RBM27: variants seen among roughly 807,000 people sequenced by gnomAD.
The protein encoded by RBM27 is RNA binding motif protein 27.
Under a neutral mutation model 135.3 loss-of-function variants are expected in RBM27, and 22 were observed. The observed-to-expected ratio is 0.16, with a 90% CI of 0.12 to 0.23. The LOEUF (loss-of-function observed/expected upper bound fraction) is 0.23, where lower values mean the gene tolerates loss of function less well. RBM27 is among the 10% of genes least tolerant of loss of function. RBM27 has a pLI of 1.00. For synonymous variants in RBM27, 481 were observed against 442.4 expected (o/e 1.09, Z -1.10); for missense variants, 1,009 against 1,281.0 (o/e 0.79, Z 3.24).
rs1042536669 is a variant in RBM27 at position 146,217,155 on chromosome 5, C to G, written c.60-1830C>G. Among the ~76,000 whole-genome samples, 4 of 151,920 alleles carry G rather than the reference C, an allele frequency of 2.6e-5. No individual in the cohort carries two copies. In the South Asian group the frequency reaches 8.3e-4, roughly 32 times the overall value. ...CTAATTTTTGTATTTTTAGTAGAGA[C>G]GGGGTTTCGTCATGTTGTCCAGGCT... is the stretch of plus-strand genomic sequence containing the variant. On this transcript the variant is annotated intron_variant, in intron 1 of 20. Coordinates refer to ENST00000265271, the MANE Select transcript of RBM27 (RefSeq NM_018989.2).
chr5:146,217,362 A>G (rs1171374175), intron 1 of RBM27, among the ~76,000 whole-genome samples: 1 of 151,028 alleles, frequency 6.6e-6, no homozygotes. Context: ...CTTTAAGCAT[A>G]AAAACTAGAA....
chr5:146,264,613 A>G (rs887482210), intron 14 of RBM27, among the ~76,000 whole-genome samples: 7 of 150,630 alleles, frequency 4.6e-5, no homozygotes, highest in East Asian at 1.9e-4. Context: ...TAATATATCT[A>G]TACTATAACT....
In RBM27 at chr5:146,251,726, C is replaced by T. The variant is rs1277005288; in HGVS notation, c.1295C>T (p.Ser432Phe). The T allele has an allele frequency of 9.9e-6, 16 of 1,611,522 alleles. No individual in the cohort carries two copies. Among genetic ancestry groups the T allele is most frequent in the Non-Finnish European group, 1.3e-5 (15 of 1,177,694 alleles). The change falls in exon 9 of 21, where the codon TCT (serine) becomes TTT (phenylalanine). Residue 432 changes from serine to phenylalanine, a missense_variant. Coordinates refer to ENST00000265271, the MANE Select transcript of RBM27 (RefSeq NM_018989.2). ...YTVSERQPMYSREHGAAASER... is the reference protein window; with the variant it reads ...YTVSERQPMYFREHGAAASER... ...TCCTCTATAGGACAGCCCATGTACT[C>T]TCGTGAACATGGTGCTGCTGCATCT... is the stretch of plus-strand genomic sequence containing the variant.
At chr5:146,235,942 C>T (rs774845999) in intron 7 of RBM27, among the ~76,000 whole-genome samples, 53 of 152,122 alleles carry the variant, frequency 3.5e-4, no homozygotes, top group Admixed American at 7.2e-4. Context: ...TTGCTTGCCT[C>T]AGTTCCCAAA....
At position 146,269,453 on chromosome 5, in the gene RBM27, A is replaced by G. The variant is rs1483943899; in HGVS notation, c.2560A>G (p.Met854Val). ...LISKLEKNKN[M>V]KPEERANIMK... is the part of the protein sequence containing the mutation. The stretch of plus-strand genomic sequence containing the variant: ...ATCCAAGTTAGAAAAAAACAAAAAC[A>G]TGAAACCAGAAGAAAGAGCAAATAT... Residue 854 changes from methionine (M) to valine (V), a missense_variant, in exon 17 of 21, where the codon ATG becomes GTG. Transcript: ENST00000265271. 2 of 1,567,768 alleles carry G rather than the reference A, an allele frequency of 1.3e-6. No individual in the cohort carries two copies. Among genetic ancestry groups the G allele is most frequent in the Non-Finnish European group, 1.7e-6 (2 of 1,160,776 alleles).
At chr5:146,206,241 G>A (rs1334419476) in intron 1 of RBM27, among the ~76,000 whole-genome samples, 2 of 147,734 alleles carry the variant, frequency 1.4e-5, no homozygotes, top group Admixed American at 6.8e-5. Flanking sequence ...ATAGTTACTT[G>A]CTTTTTCTTT....
chr5:146,281,075 G>A (rs1759332371), intron 19 of RBM27, among the ~76,000 whole-genome samples: 1 of 152,046 alleles, frequency 6.6e-6, no homozygotes, highest in Non-Finnish European at 1.5e-5. Context: ...TGGCCAGGTT[G>A]GTCTCAAACT....
Position 146,284,723 on chromosome 5 carries a change from CAAG to C in RBM27, c.3091_3093del (p.Lys1031del), listed in dbSNP as rs896235434. 4.4e-6 allele frequency: 7 copies of C among 1,596,462 alleles called. No individual in the cohort carries two copies. Among genetic ancestry groups the C allele is most frequent in the African/African-American group, 2.7e-5 (2 of 74,350 alleles). On this transcript the variant is annotated inframe_deletion, in exon 20 of 21. Coordinates refer to ENST00000265271, the MANE Select transcript of RBM27 (RefSeq NM_018989.2). ...CCACTGAGACTGAAGAAGAAGAAGT[CAAG>C]GAGGAGGTAAATTTAGTGGTTGGAA...
intron 6 of RBM27, among the ~76,000 whole-genome samples, chr5:146,233,220 T>A (rs1757012403): frequency 1.3e-5 from 2 of 152,160 alleles, no homozygotes; most frequent in African/African-American, 4.8e-5. Context: ...TCTTGACTCT[T>A]TTATTTGCTT....
intron 2 of RBM27, among the ~76,000 whole-genome samples, chr5:146,221,638 G>T (rs1284300472): frequency 6.6e-6 from 1 of 152,114 alleles, no homozygotes; most frequent in Non-Finnish European, 1.5e-5. Flanking sequence ...CACCATGTTG[G>T]CCAGGCTGGT....
At chr5:146,277,519 T>C (rs1248412372) in intron 19 of RBM27, among the ~76,000 whole-genome samples, 1 of 138,914 alleles carries the variant, frequency 7.2e-6, no homozygotes. Flanking sequence ...CTGGGATAAT[T>C]TTTTTTTTTT....
At chr5:146,256,422 T>C (rs1208966677) in intron 10 of RBM27, among the ~76,000 whole-genome samples, 1 of 150,994 alleles carries the variant, frequency 6.6e-6, no homozygotes, top group Non-Finnish European at 1.5e-5. Context: ...CGATCTCGGC[T>C]CACTGCAACC....
chr5:146,249,125 C>T (rs1022876870), intron 8 of RBM27, among the ~76,000 whole-genome samples: 1 of 152,018 alleles, frequency 6.6e-6, no homozygotes, highest in African/African-American at 2.4e-5. Flanking sequence ...AGGACTACAG[C>T]TGTGCGCCAC....
intron 1 of RBM27, among the ~76,000 whole-genome samples, chr5:146,216,437 CATGCTGAA>C (rs1163440838): frequency 6.6e-6 from 1 of 152,052 alleles, no homozygotes; most frequent in African/African-American, 2.4e-5. Flanking sequence ...TATATATGCA[CATGCTGAA>C]ATGTGCATAT....
At position 146,288,484 on chromosome 5, in the gene RBM27, A is replaced by C. The variant is rs1251653714; in HGVS notation, c.*2454A>C. The C allele has an allele frequency of 6.6e-6, 1 of 152,126 alleles. No individual in the cohort carries two copies. Among genetic ancestry groups the C allele is most frequent in the African/African-American group, 2.4e-5 (1 of 41,456 alleles). 9.4% of individuals were successfully genotyped at this position (152,126 alleles called of 1,614,324 possible). ...TTATAATACTGGAAAACTTCAGGTT[A>C]GCATAAAATAGTTTATATATATCCC... On this transcript the variant is annotated 3_prime_UTR_variant, in exon 21 of 21. Transcript: ENST00000265271.
At chr5:146,262,658 C>A (rs539707573) in intron 13 of RBM27, among the ~76,000 whole-genome samples, 1 of 152,300 alleles carries the variant, frequency 6.6e-6, no homozygotes, top group South Asian at 2.1e-4. Context: ...AATTCTCTTT[C>A]AGTTATGTTT....
chr5:146,231,329 T>C (rs770533010), intron 6 of RBM27, among the ~76,000 whole-genome samples: 18 of 152,168 alleles, frequency 1.2e-4, no homozygotes, highest in Non-Finnish European at 2.1e-4. Flanking sequence ...GGTCTCGAAC[T>C]CCTGACCTCA....
intron 8 of RBM27, 132 bp downstream of exon 8, chr5:146,237,564 CA>C: frequency 9.3e-7 from 1 of 1,079,876 alleles, no homozygotes; most frequent in Non-Finnish European, 1.3e-6. Context: ...TTTGTGTTTA[CA>C]ATACAGTTTA....
intron 8 of RBM27, among the ~76,000 whole-genome samples, chr5:146,239,485 T>TC (rs1757312471): frequency 3.5e-5 from 5 of 144,870 alleles, no homozygotes; most frequent in African/African-American, 1.3e-4. Context: ...TTTTTTTTTT[T>TC]TTTTTTTTTT....
Sources: gnomAD v4.1 joint callset for allele counts (sites outside exome capture counted in the v4.1 genomes callset) on GRCh38, gnomAD v4.1.1 for gene constraint, MANE v1.5 for transcripts, NCBI Gene and HGNC (gene_info 2026-07-23, HGNC 2026-07-21) for gene names.